The following SDR42E1 variants were observed in gnomAD, a reference collection of about 807,000 sequenced individuals.
The protein encoded by SDR42E1 is short chain dehydrogenase/reductase family 42E, member 1.
Under a neutral mutation model 2.6 loss-of-function variants are expected in SDR42E1, and 5 were observed. That is an observed-to-expected ratio of 1.94 (90% CI 1.01 to 4.08). The LOEUF (loss-of-function observed/expected upper bound fraction) is 4.08. Ranked by LOEUF, SDR42E1 falls within the 30% of genes most tolerant of loss-of-function variation. The pLI is 0.00. For missense variants in SDR42E1, 596 were observed against 478.6 expected, an observed-to-expected ratio of 1.25 and a Z score of -2.29; for synonymous variants, 231 against 188.3, an observed-to-expected ratio of 1.23 and a Z score of -1.86.
rs1026466388 is a variant in SDR42E1 at position 81,991,528 on chromosome 16, G to A, written c.*7583C>T. The A allele has an allele frequency of 6.6e-6, 1 of 151,890 alleles. No homozygotes were observed. The highest frequency in any genetic ancestry group is 1.5e-5 in the Non-Finnish European group (1 of 67,988). 9.4% of individuals were successfully genotyped at this position (151,890 alleles called of 1,614,324 possible). A position where few individuals can be genotyped will look rare whatever the true frequency, so the allele number is the denominator to read the frequency against. On this transcript the variant is annotated 3_prime_UTR_variant, in exon 3 of 3. Transcript: ENST00000328945. Reference sequence around the variant, plus strand: ...GGCAAGGAATTCAAGACCAGCCCAGGTAACATAGTGAAACACCGTCTCTAC... The same window carrying A: ...GGCAAGGAATTCAAGACCAGCCCAGATAACATAGTGAAACACCGTCTCTAC...
chr16:81,999,776 T>G lies in SDR42E1; in HGVS notation c.517A>C (p.Arg173=). The G allele has an allele frequency of 6.2e-7, 1 of 1,614,218 alleles. No individual in the cohort carries two copies. Among genetic ancestry groups the G allele is most frequent in the Non-Finnish European group, 8.5e-7 (1 of 1,180,034 alleles). Residue 173 remains arginine (R), a synonymous_variant, in exon 3 of 3, where the codon AGA becomes CGA. Transcript: ENST00000328945. ...VLEANATPLD[R]GDGVLRTCAL... The stretch of plus-strand genomic sequence containing the variant: ...CAGGTTCTTAAGACACCGTCGCCTC[T>G]GTCCAGGGGTGTAGCATTCGCCTCC...
rs1050365741 is a variant in SDR42E1 at position 81,999,294 on chromosome 16, C to T, written c.999G>A (p.Glu333=). The T allele has an allele frequency of 1.9e-6, 3 of 1,614,236 alleles. No homozygotes were observed. Among genetic ancestry groups the T allele is most frequent in the South Asian group, 1.1e-5 (1 of 91,090 alleles). ...CAAATGGCTGAGCCTTATAACCTAG[C>T]TCTTTCTTGGCTTTCTCTAAGCTAA... The part of the protein sequence containing the change: ...HYFSLEKAKK[E]LGYKAQPFDL... The change falls in exon 3 of 3, where the codon GAG becomes GAA. Residue 333 remains glutamate (E), a synonymous_variant. Coordinates refer to ENST00000328945, the MANE Select transcript of SDR42E1 (RefSeq NM_145168.3).
intron 1 of SDR42E1, among the ~76,000 whole-genome samples, chr16:82,004,898 C>T (rs773508213): frequency 2.0e-5 from 3 of 152,166 alleles, no homozygotes; most frequent in East Asian, 1.9e-4. Flanking sequence ...GAGGTGGCAG[C>T]GTGCTGCACC....
At position 81,999,657 on chromosome 16, in the gene SDR42E1, G is replaced by A; in HGVS notation, c.636C>T (p.Val212=). 1.2e-6 allele frequency: 2 copies of A among 1,614,200 alleles called. No homozygotes were observed. Among genetic ancestry groups the A allele is most frequent in the South Asian group, 1.1e-5 (1 of 91,090 alleles). The change falls in exon 3 of 3, where the codon GTC becomes GTT. Residue 212 remains valine, a synonymous_variant. Coordinates refer to ENST00000328945, the MANE Select transcript of SDR42E1 (RefSeq NM_145168.3). ...CAACCAGGCTCCTGGGGTCCCCGTA[G>A]ACAAACTTGAACAGACCCTTCTCGA... ...SYIEKGLFKF[V]YGDPRSLVEF...
rs12932550 is a variant in SDR42E1, at chr16:81,991,237, C to A, written c.*7874G>T. The A allele has an allele frequency of 2.6e-5, 4 of 152,202 alleles. No homozygotes were observed. Among genetic ancestry groups the A allele is most frequent in the Admixed American group, 2.0e-4 (3 of 15,284 alleles). The allele number at this position is 152,202 out of a possible 1,614,324, so 9.4% of individuals were successfully genotyped here. A position where few individuals can be genotyped will look rare whatever the true frequency, so the allele number is the denominator to read the frequency against. On this transcript the variant is annotated 3_prime_UTR_variant, in exon 3 of 3. Coordinates refer to ENST00000328945, the MANE Select transcript of SDR42E1 (RefSeq NM_145168.3). ...CACCCCCCGCCCACACACCTCAGCT[C>A]TACGTAATACATACTCACATGACAA...
chr16:82,002,509 A>G (rs1258203827), intron 1 of SDR42E1, among the ~76,000 whole-genome samples: 1 of 152,190 alleles, frequency 6.6e-6, no homozygotes, highest in Admixed American at 6.5e-5. Flanking sequence ...TATGTTAGCC[A>G]TTTAATCCTT....
intron 1 of SDR42E1, among the ~76,000 whole-genome samples, chr16:82,006,237 C>T (rs956395801): frequency 6.6e-6 from 1 of 152,144 alleles, no homozygotes; most frequent in Non-Finnish European, 1.5e-5. Context: ...TCTCCAAGTA[C>T]TATAACCCCA....
rs1312297529 is a variant in SDR42E1 at position 81,993,542 on chromosome 16, C to G, written c.*5569G>C. The stretch of plus-strand genomic sequence containing the variant: ...TGCCGTTTTACATGATGTCACCCTT[C>G]TGGAGTCTGCATTTTTAATTTAGGC... On this transcript the variant is annotated 3_prime_UTR_variant, in exon 3 of 3. Coordinates refer to ENST00000328945, the MANE Select transcript of SDR42E1 (RefSeq NM_145168.3). 6.6e-6 allele frequency: 1 copy of G among 152,176 alleles called. No individual in the cohort carries two copies. Among genetic ancestry groups the G allele is most frequent in the East Asian group, 1.9e-4 (1 of 5,198 alleles). The allele number at this position is 152,176 out of a possible 1,614,324, so 9.4% of individuals were successfully genotyped here. A position where few individuals can be genotyped will look rare whatever the true frequency, so the allele number is the denominator to read the frequency against.
At position 81,999,038 on chromosome 16, in the gene SDR42E1, T is replaced by C. The variant is rs774983249; in HGVS notation, c.*73A>G. The stretch of plus-strand genomic sequence containing the variant: ...CAATGTTTGGCACCAGATATCACTG[T>C]ACACATTTTAAAACCCATGTTTCTT... On this transcript the variant is annotated 3_prime_UTR_variant, in exon 3 of 3. Coordinates refer to ENST00000328945, the MANE Select transcript of SDR42E1 (RefSeq NM_145168.3). The C allele has an allele frequency of 2.0e-6, 3 of 1,494,436 alleles. No homozygotes were observed. Among genetic ancestry groups the C allele is most frequent in the Non-Finnish European group, 2.7e-6 (3 of 1,109,068 alleles). The allele number at this position is 1,494,436 out of a possible 1,614,324, so 92.6% of individuals were successfully genotyped here. A position where few individuals can be genotyped will look rare whatever the true frequency, so the allele number is the denominator to read the frequency against.
chr16:82,007,579 C>G (rs775720068), intron 1 of SDR42E1: 1 of 152,268 alleles, frequency 6.6e-6, no homozygotes, highest in African/African-American at 2.4e-5. Flanking sequence ...CTCTACAGTT[C>G]ATCTTAACGC....
At chr16:82,009,430 T>G (rs992811693) in intron 1 of SDR42E1, among the ~76,000 whole-genome samples, 2 of 152,182 alleles carry the variant, frequency 1.3e-5, no homozygotes, top group African/African-American at 4.8e-5. Context: ...TGCCCAAGAC[T>G]ATGGGAAACC....
intron 1 of SDR42E1, among the ~76,000 whole-genome samples, chr16:82,002,275 TAC>T (rs754964283): frequency 1.6e-4 from 24 of 152,156 alleles, no homozygotes; most frequent in South Asian, 4.1e-4. Context: ...GGGACAGGAA[TAC>T]ACAGTGAAGA....
chr16:81,989,510 TA>T lies in SDR42E1; in HGVS notation c.*9600del, dbSNP rs1912379297. On this transcript the variant is annotated 3_prime_UTR_variant, in exon 3 of 3. Transcript: ENST00000328945. ...CAGAAGCACTCTGAATGTGTAGAAATAAAAGCTTGATGATTTTGGGTTGGCT... is the reference window on the plus strand; with the variant it reads ...CAGAAGCACTCTGAATGTGTAGAAATAAAGCTTGATGATTTTGGGTTGGCT... 6.6e-6 allele frequency: 1 copy of T among 152,212 alleles called. No individual in the cohort carries two copies. The highest frequency in any genetic ancestry group is 6.5e-5 in the Admixed American group (1 of 15,278). The allele number at this position is 152,212 out of a possible 1,614,324, so 9.4% of individuals were successfully genotyped here. A position where few individuals can be genotyped will look rare whatever the true frequency, so the allele number is the denominator to read the frequency against.
chr16:82,000,313 G>A, intron 2 of SDR42E1, 89 bp from the exon 3 acceptor site: 1 of 1,525,306 alleles, frequency 6.6e-7, no homozygotes, highest in Non-Finnish European at 9.0e-7. Context: ...ATCAAGGTGG[G>A]GCTGATCCAA....
intron 1 of SDR42E1, among the ~76,000 whole-genome samples, chr16:82,001,400 C>T (rs1912754096): frequency 1.3e-5 from 2 of 152,006 alleles, no homozygotes; most frequent in Non-Finnish European, 2.9e-5. Context: ...TGGGGAAAAA[C>T]TCCTTTATGT....
chr16:81,992,946 A>G lies in SDR42E1; in HGVS notation c.*6165T>C, dbSNP rs934060946. ...GACTCTATTTCTGGTTTGATTTTCA[A>G]TAGCAAAAGGCTGTTTTACACTAAA... is the stretch of plus-strand genomic sequence containing the variant. On this transcript the variant is annotated 3_prime_UTR_variant, in exon 3 of 3. Coordinates refer to ENST00000328945, the MANE Select transcript of SDR42E1 (RefSeq NM_145168.3). 2.6e-5 allele frequency: 4 copies of G among 152,170 alleles called. No individual in the cohort carries two copies. Among genetic ancestry groups the G allele is most frequent in the African/African-American group, 4.8e-5 (2 of 41,442 alleles). The allele number at this position is 152,170 out of a possible 1,614,324, so 9.4% of individuals were successfully genotyped here.
intron 1 of SDR42E1, among the ~76,000 whole-genome samples, chr16:82,008,297 C>A (rs141395267): frequency 5.1e-4 from 78 of 152,270 alleles, no homozygotes; most frequent in African/African-American, 1.8e-3. Context: ...TAAATTGGCA[C>A]TGGGTAGTGG....
At chr16:82,003,476 G>T (rs1456892753) in intron 1 of SDR42E1, among the ~76,000 whole-genome samples, 1 of 152,152 alleles carries the variant, frequency 6.6e-6, no homozygotes, top group Non-Finnish European at 1.5e-5. Context: ...CCATGACCTG[G>T]TCACAATTTC....
At position 82,000,792 on chromosome 16, in the gene SDR42E1, G is replaced by A. The variant is rs201433832; in HGVS notation, c.67C>T (p.Arg23Cys). 61 of 1,612,292 alleles carry A rather than the reference G, an allele frequency of 3.8e-5. 1 individual carries two copies. The highest frequency in any genetic ancestry group is 5.5e-5 in the South Asian group (5 of 90,938). Residue 23 changes from arginine (R) to cysteine (C), a missense_variant and splice_region_variant, in exon 2 of 3, where the codon CGC becomes TGC. Transcript: ENST00000328945. Reference sequence around the variant, plus strand: ...TGTATATTTTATAGATACACTTACCGAAAACCAAAATAGCCACTTCCTCCT... The same window carrying A: ...TGTATATTTTATAGATACACTTACCAAAAACCAAAATAGCCACTTCCTCCT... The part of the protein sequence containing the change: ...ITGGSGYFGF[R>C]LGCALNQNGV...
Sources: allele counts gnomAD v4.1 joint callset (sites outside exome capture counted in the v4.1 genomes callset), GRCh38; gene constraint gnomAD v4.1.1; transcripts MANE v1.5; gene names NCBI Gene and HGNC (gene_info 2026-07-23, HGNC 2026-07-21).